Variants in SLX4IP observed in about 807,000 individuals in gnomAD.
The protein encoded by SLX4IP is SLX4 interacting protein.
A neutral mutation model predicts 32.9 loss-of-function variants in SLX4IP; 34 were observed. That is an observed-to-expected ratio of 1.03 (90% CI 0.79 to 1.38). The LOEUF is 1.38. Ranked by LOEUF, SLX4IP falls within the 40% of genes most tolerant of loss-of-function variation. The pLI, the probability that SLX4IP is intolerant of heterozygous loss-of-function variation, is 0.00. For synonymous variants in SLX4IP, 172 were observed against 171.7 expected, an observed-to-expected ratio of 1.00 and a Z score of -0.01; for missense variants, 444 against 479.0, an observed-to-expected ratio of 0.93 and a Z score of 0.68.
intron 2 of SLX4IP, among the ~76,000 whole-genome samples, chr20:10,532,404 A>G (rs1303808412): frequency 6.6e-6 from 1 of 152,158 alleles, no homozygotes; most frequent in African/African-American, 2.4e-5. Flanking sequence ...AGGTTGGTGC[A>G]TCAAAGGGCC....
At chr20:10,567,185 G>A (rs1217270615) in intron 4 of SLX4IP, among the ~76,000 whole-genome samples, 2 of 152,066 alleles carry the variant, frequency 1.3e-5, no homozygotes, top group Non-Finnish European at 2.9e-5. Context: ...AAAGAGGCCA[G>A]CCAGCATCCA....
At chr20:10,483,304 T>C (rs1235488886) in intron 2 of SLX4IP, among the ~76,000 whole-genome samples, 1 of 152,096 alleles carries the variant, frequency 6.6e-6, no homozygotes, top group Non-Finnish European at 1.5e-5. Context: ...GTATTTTTAG[T>C]AGATGCGGGG....
chr20:10,622,737 C>T lies in SLX4IP; in HGVS notation c.585C>T (p.Asp195=). ...GAGACACTGTGGAAACATCTAGTGA[C>T]TCAGTGATTGCAGAGATAGCAAGGA... ...TRRDTVETSS[D]SVIAEIARRR... Residue 195 remains aspartate, a synonymous_variant, in exon 8 of 8, where the codon GAC becomes GAT. Transcript: ENST00000334534. The T allele has an allele frequency of 6.2e-7, 1 of 1,614,076 alleles. No individual in the cohort carries two copies. Among genetic ancestry groups the T allele is most frequent in the Non-Finnish European group, 8.5e-7 (1 of 1,180,028 alleles).
intron 4 of SLX4IP, among the ~76,000 whole-genome samples, chr20:10,591,137 G>A (rs2122537442): frequency 6.6e-6 from 1 of 152,190 alleles, no homozygotes; most frequent in South Asian, 2.1e-4. Context: ...CCCTTTTCCT[G>A]TTACCTGTCT....
intron 2 of SLX4IP, among the ~76,000 whole-genome samples, chr20:10,517,056 T>TGC: frequency 6.6e-6 from 1 of 151,746 alleles, no homozygotes; most frequent in Non-Finnish European, 1.5e-5. Flanking sequence ...GAACTATGTA[T>TGC]GAACATTCTG....
intron 2 of SLX4IP, among the ~76,000 whole-genome samples, chr20:10,542,870 T>G (rs1344541800): frequency 2.0e-5 from 3 of 152,212 alleles, no homozygotes; most frequent in African/African-American, 7.2e-5. Context: ...AGATATGCAC[T>G]GTCCCCTTCT....
At chr20:10,474,901 C>T (rs1284718554) in intron 2 of SLX4IP, among the ~76,000 whole-genome samples, 3 of 152,206 alleles carry the variant, frequency 2.0e-5, no homozygotes, top group Non-Finnish European at 4.4e-5. Flanking sequence ...TGCTTTTCCT[C>T]AGGGAGCCGT....
intron 2 of SLX4IP, among the ~76,000 whole-genome samples, chr20:10,552,181 G>A (rs2066224371): frequency 6.6e-6 from 1 of 152,178 alleles, no homozygotes; most frequent in African/African-American, 2.4e-5. Context: ...TGCATGCAAT[G>A]TGAAGCTATT....
At chr20:10,540,261 T>C (rs1379087084) in intron 2 of SLX4IP, among the ~76,000 whole-genome samples, 1 of 151,734 alleles carries the variant, frequency 6.6e-6, no homozygotes, top group African/African-American at 2.4e-5. Flanking sequence ...AGCTAATCAA[T>C]GTGTGTTTTT....
intron 2 of SLX4IP, among the ~76,000 whole-genome samples, chr20:10,512,923 C>G (rs1227464971): frequency 7.0e-6 from 1 of 142,590 alleles, no homozygotes; most frequent in African/African-American, 2.5e-5. Context: ...AGGTGTGAGT[C>G]ACCACACCCA....
chr20:10,473,804 C>T (rs2065448852), intron 2 of SLX4IP, among the ~76,000 whole-genome samples: 1 of 151,638 alleles, frequency 6.6e-6, no homozygotes, highest in Non-Finnish European at 1.5e-5. Context: ...CGGGGTTTCA[C>T]CATGTTGGCC....
intron 4 of SLX4IP, among the ~76,000 whole-genome samples, chr20:10,561,263 A>T (rs1324245320): frequency 1.3e-5 from 2 of 152,004 alleles, no homozygotes; most frequent in Admixed American, 6.6e-5. Context: ...ATGTTTTTTT[A>T]AAAAATATAC....
intron 2 of SLX4IP, among the ~76,000 whole-genome samples, chr20:10,525,617 C>T (rs2065934545): frequency 6.6e-6 from 1 of 152,046 alleles, no homozygotes; most frequent in Non-Finnish European, 1.5e-5. Context: ...TAATGGTTTT[C>T]TTTGTTTCTA....
intron 2 of SLX4IP, among the ~76,000 whole-genome samples, chr20:10,472,466 G>C (rs1342650596): frequency 6.6e-6 from 1 of 152,224 alleles, no homozygotes; most frequent in East Asian, 1.9e-4. Context: ...TCCTGACCTC[G>C]TGATCTGCGT....
intron 2 of SLX4IP, among the ~76,000 whole-genome samples, chr20:10,549,342 C>T (rs2066195457): frequency 6.6e-6 from 1 of 152,018 alleles, no homozygotes; most frequent in Non-Finnish European, 1.5e-5. Context: ...GGCATGGGGC[C>T]CTACAGTGAG....
chr20:10,544,116 C>T (rs1393855498), intron 2 of SLX4IP, among the ~76,000 whole-genome samples: 3 of 152,140 alleles, frequency 2.0e-5, no homozygotes, highest in Non-Finnish European at 4.4e-5. Flanking sequence ...TTCCTCTGAG[C>T]CCAGTCATCT....
At position 10,556,215 on chromosome 20, in the gene SLX4IP, C is replaced by T. The variant is rs542067287; in HGVS notation, c.28-16C>T. The T allele has an allele frequency of 2.5e-6, 4 of 1,608,854 alleles. No individual in the cohort carries two copies. In the African/African-American group the frequency reaches 5.3e-5, roughly 21 times the overall value. On this transcript the variant is annotated splice_polypyrimidine_tract_variant and intron_variant, in intron 2 of 7. Coordinates refer to ENST00000334534, the MANE Select transcript of SLX4IP (RefSeq NM_001009608.3). ...TGAGCCGCACAGACACTGACTCTGC[C>T]ATTAATGTCTTTCAGTGTGGGAATT...
At chr20:10,527,711 C>A (rs1723005349) in intron 2 of SLX4IP, among the ~76,000 whole-genome samples, 1 of 142,722 alleles carries the variant, frequency 7.0e-6, no homozygotes, top group South Asian at 2.6e-4. Flanking sequence ...AATTTGGAAT[C>A]CAAAATTATC....
chr20:10,488,387 A>G (rs1484608197), intron 2 of SLX4IP, among the ~76,000 whole-genome samples: 3 of 152,156 alleles, frequency 2.0e-5, no homozygotes, highest in African/African-American at 4.8e-5. Context: ...GAGAAGAGGC[A>G]TGGAACAAAT....
Sources: gnomAD v4.1 joint callset for allele counts (sites outside exome capture counted in the v4.1 genomes callset) on GRCh38, gnomAD v4.1.1 for gene constraint, MANE v1.5 for transcripts, NCBI Gene and HGNC (gene_info 2026-07-23, HGNC 2026-07-21) for gene names.